Variants in BDH2 observed in about 807,000 individuals in gnomAD.
The protein encoded by BDH2 is 3-hydroxybutyrate dehydrogenase 2, also known as dehydrogenase/reductase SDR family member 6.
BDH2 carries 24 observed loss-of-function variants against 33.2 expected under a neutral mutation model. The ratio of observed to expected loss-of-function variants is 0.72; its 90% CI spans 0.52 to 1.02. The LOEUF (loss-of-function observed/expected upper bound fraction) is 1.02. Ranked by LOEUF, BDH2 falls within the 50% of genes least tolerant of loss-of-function variation. The pLI is 0.00. For synonymous variants in BDH2, 81 were observed against 101.6 expected (o/e 0.80, Z 1.22); for missense variants, 249 against 301.6 (o/e 0.83, Z 1.29).
At chr4:103,081,195 AG>A (rs1023858404) in intron 9 of BDH2, among the ~76,000 whole-genome samples, 1 of 152,278 alleles carries the variant, frequency 6.6e-6, no homozygotes, top group African/African-American at 2.4e-5. Flanking sequence ...GCCATTTAAA[AG>A]TAAACAATAG....
chr4:103,081,215 GA>G (rs757555480), intron 9 of BDH2, among the ~76,000 whole-genome samples: 1 of 152,070 alleles, frequency 6.6e-6, no homozygotes, highest in African/African-American at 2.4e-5. Flanking sequence ...AGTTATTAAG[GA>G]AAAAACTGTT....
chr4:103,093,900 G>A (rs1461396455), intron 3 of BDH2, among the ~76,000 whole-genome samples: 1 of 151,930 alleles, frequency 6.6e-6, no homozygotes, highest in Non-Finnish European at 1.5e-5. Context: ...TGCTTCCCCA[G>A]TGCAGCAGCT....
intron 4 of BDH2, chr4:103,092,235 GCTAA>G (rs1220496779): frequency 1.8e-5 from 4 of 219,400 alleles, no homozygotes; most frequent in Non-Finnish European, 3.6e-5. Flanking sequence ...AACTAACTTT[GCTAA>G]CTATTTGTTT....
intron 6 of BDH2, 164 bp from the exon 7 acceptor site, chr4:103,085,626 G>A: frequency 6.7e-7 from 1 of 1,492,834 alleles, no homozygotes. Context: ...AATAGAGTCA[G>A]TTTCTGGATC....
In BDH2 at chr4:103,077,629, T is replaced by A. The variant is rs578108459; in HGVS notation, c.*2073A>T. On this transcript the variant is annotated 3_prime_UTR_variant, in exon 10 of 10. Transcript: ENST00000296424. ...CCCATTTTGTAGAATTCGTTGTGCATTTATTTAAAATTTATTTGTTCATAG... is the reference window on the plus strand; with the variant it reads ...CCCATTTTGTAGAATTCGTTGTGCAATTATTTAAAATTTATTTGTTCATAG... 2.0e-5 allele frequency among the ~76,000 whole-genome samples: 3 copies of A among 152,340 alleles called. No individual in the cohort carries two copies. The East Asian group carries it at 5.8e-4, about 29-fold the overall frequency.
chr4:103,079,984 G>A (rs1747429319), intron 9 of BDH2, among the ~76,000 whole-genome samples: 1 of 152,206 alleles, frequency 6.6e-6, no homozygotes, highest in Admixed American at 6.5e-5. Context: ...CTAAGCACCT[G>A]TCACTGTTAG....
chr4:103,086,686 T>TG, intron 5 of BDH2, 146 bp from the exon 6 acceptor site: 3 of 1,033,684 alleles, frequency 2.9e-6, no homozygotes, highest in Non-Finnish European at 4.1e-6. Flanking sequence ...TATTAAGCAG[T>TG]CTTAACAGTG....
At chr4:103,080,800 A>G (rs1389675213) in intron 9 of BDH2, among the ~76,000 whole-genome samples, 1 of 152,246 alleles carries the variant, frequency 6.6e-6, no homozygotes, top group Non-Finnish European at 1.5e-5. Context: ...TATCAGCAGT[A>G]CCCAAATCAA....
At chr4:103,091,643 G>C in intron 4 of BDH2, 1 of 447,688 alleles carries the variant, frequency 2.2e-6, no homozygotes, top group South Asian at 1.6e-5. Context: ...TACTTTGAAG[G>C]CTGAGGCAAG....
intron 6 of BDH2, chr4:103,085,909 G>A (rs1376905227): frequency 8.4e-7 from 1 of 1,189,560 alleles, no homozygotes; most frequent in African/African-American, 1.6e-5. Context: ...TAAACTCACA[G>A]ATCCAACTAT....
At chr4:103,086,103 A>T in intron 6 of BDH2, 1 of 1,097,774 alleles carries the variant, frequency 9.1e-7, no homozygotes, top group Non-Finnish European at 1.1e-6. Context: ...GGAGAAGATG[A>T]TGTTTGCTGC....
Position 103,086,486 on chromosome 4 carries a change from C to G in BDH2, c.412G>C (p.Val138Leu). The G allele has an allele frequency of 1.9e-6, 3 of 1,612,696 alleles. No individual in the cohort carries two copies. The South Asian group carries it at 3.3e-5, about 18-fold the overall frequency. ...IINMSSVASS[V>L]KGVVNRCVYS... ...CGGAAGGAGACAGACCCACCTTTGA[C>G]GCTGGAAGCCACAGAAGACATGTTG... is the stretch of plus-strand genomic sequence containing the variant. The change falls in exon 6 of 10, where the codon GTC becomes CTC. Residue 138 changes from valine (V) to leucine (L), a missense_variant. Transcript: ENST00000296424.
intron 9 of BDH2, among the ~76,000 whole-genome samples, chr4:103,081,271 A>G (rs957054968): frequency 1.3e-5 from 2 of 152,196 alleles, no homozygotes; most frequent in Admixed American, 1.3e-4. Flanking sequence ...ATTTCCATAC[A>G]CGATGATGAA....
Position 103,079,351 on chromosome 4 carries a change from T to C in BDH2, c.*351A>G. 5.4e-6 allele frequency: 1 copy of C among 186,838 alleles called. No individual in the cohort carries two copies. 11.6% of individuals were successfully genotyped at this position (186,838 alleles called of 1,614,324 possible). A position where few individuals can be genotyped will look rare whatever the true frequency, so the allele number is the denominator to read the frequency against. ...CACCTTTATCTTGCACTTCCTAGCCTCCAGACTGAAAAATAAATGTTTGTT... is the reference window on the plus strand; with the variant it reads ...CACCTTTATCTTGCACTTCCTAGCCCCCAGACTGAAAAATAAATGTTTGTT... On this transcript the variant is annotated 3_prime_UTR_variant, in exon 10 of 10. Coordinates refer to ENST00000296424, the MANE Select transcript of BDH2 (RefSeq NM_020139.4).
chr4:103,080,973 G>A (rs1360997298), intron 9 of BDH2, among the ~76,000 whole-genome samples: 1 of 152,204 alleles, frequency 6.6e-6, no homozygotes, highest in Admixed American at 6.5e-5. Context: ...TTCAATCCCT[G>A]TATTTGTCAC....
chr4:103,082,921 C>T lies in BDH2; in HGVS notation c.541G>A (p.Asp181Asn), dbSNP rs765831901. Residue 181 changes from aspartate (D) to asparagine (N), a missense_variant, in exon 8 of 10, where the codon GAT becomes AAT. Physicochemically the swap from Asp to Asn is conservative, Grantham distance 23. Coordinates refer to ENST00000296424, the MANE Select transcript of BDH2 (RefSeq NM_020139.4). The stretch of plus-strand genomic sequence containing the variant: ...ATTCTTTCTTGTAGAGATGGCGTAT[C>T]AACTGTTCCTAAATCAAAGGGGGAT... ...RCNCVCPGTVDTPSLQERIQA... is the reference protein window; with the variant it reads ...RCNCVCPGTVNTPSLQERIQA... 1.2e-6 allele frequency: 2 copies of T among 1,612,526 alleles called. No individual in the cohort carries two copies. The highest frequency in any genetic ancestry group is 2.2e-5 in the South Asian group (2 of 91,068).
chr4:103,082,217 G>A (rs2110695013), intron 8 of BDH2, 44 bp from the exon 9 acceptor site: 1 of 1,526,354 alleles, frequency 6.6e-7, no homozygotes, highest in Non-Finnish European at 9.1e-7. Flanking sequence ...GGAAGCAGCT[G>A]TATGTGCTCA....
chr4:103,090,287 A>G lies in BDH2; in HGVS notation c.357+890T>C, dbSNP rs998871772. On this transcript the variant is annotated intron_variant, in intron 5 of 9. Transcript: ENST00000296424. Reference sequence around the variant, plus strand: ...TTTATACTCCCCTAGAACACTTTATATAGTGATTTATACCAAGAGGTACTT... The same window carrying G: ...TTTATACTCCCCTAGAACACTTTATGTAGTGATTTATACCAAGAGGTACTT... Among the ~76,000 whole-genome samples, 7 of 152,202 alleles carry G rather than the reference A, an allele frequency of 4.6e-5. No individual in the cohort carries two copies. In the East Asian group the frequency reaches 1.3e-3, roughly 29 times the overall value.
In BDH2 at chr4:103,095,218, G is replaced by A. The variant is rs1343414721; in HGVS notation, c.136C>T (p.Leu46=). The change falls in exon 3 of 10, where the codon CTG becomes TTG. Residue 46 remains leucine (L), a synonymous_variant. Coordinates refer to ENST00000296424, the MANE Select transcript of BDH2 (RefSeq NM_020139.4). ...TDINESKLQE[L]EKYPGIQTRV... ...AGTTGCTTACCCGGGTACTTTTCCA[G>A]TTCCTGAAGTTTGGACTCATTAATG... The A allele has an allele frequency of 1.9e-6, 3 of 1,613,680 alleles. No homozygotes were observed. The highest frequency in any genetic ancestry group is 2.5e-6 in the Non-Finnish European group (3 of 1,179,752).
Sources: allele counts gnomAD v4.1 joint callset (sites outside exome capture counted in the v4.1 genomes callset), GRCh38; gene constraint gnomAD v4.1.1; transcripts MANE v1.5; gene names NCBI Gene and HGNC (gene_info 2026-07-23, HGNC 2026-07-21).